Variants in VPS37A observed in about 807,000 individuals in gnomAD.
VPS37A encodes the protein vacuolar protein sorting-associated protein 37A.
A neutral mutation model predicts 49.8 loss-of-function variants in VPS37A; 30 were observed. That is an observed-to-expected ratio of 0.60 (90% CI 0.45 to 0.82). The LOEUF is 0.82. VPS37A is among the 40% of genes least tolerant of loss of function. VPS37A has a pLI of 0.00. For synonymous variants in VPS37A, 195 were observed against 160.6 expected (o/e 1.21, Z -1.62); for missense variants, 593 against 464.4 (o/e 1.28, Z -2.55).
intron 4 of VPS37A, among the ~76,000 whole-genome samples, chr8:17,273,931 C>T (rs186922935): frequency 6.6e-6 from 1 of 152,114 alleles, no homozygotes; most frequent in South Asian, 2.1e-4. Context: ...TAAAACATAA[C>T]TGTAAGTCCC....
At chr8:17,253,679 G>C (rs76345873) in intron 1 of VPS37A, among the ~76,000 whole-genome samples, 1 of 152,066 alleles carries the variant, frequency 6.6e-6, no homozygotes, top group Non-Finnish European at 1.5e-5. Context: ...TTTTCCAGAA[G>C]ACCCCACTGC....
downstream of VPS37A, chr8:17,301,938 A>G (rs185357913): frequency 2.1e-6 from 1 of 481,552 alleles, no homozygotes; most frequent in Admixed American, 4.1e-5. Flanking sequence ...AAATTTGTGG[A>G]ACTGAGCCAC....
At chr8:17,291,990 G>A (rs117254645) in intron 11 of VPS37A, among the ~76,000 whole-genome samples, 10,209 of 152,154 alleles carry the variant, frequency 0.067, 477 homozygotes, top group Non-Finnish European at 0.1. Flanking sequence ...TATTAGTTCC[G>A]TTTGGTCCAG....
downstream of VPS37A, among the ~76,000 whole-genome samples, chr8:17,304,987 C>A (rs188704727): frequency 6.0e-4 from 91 of 152,048 alleles, no homozygotes; most frequent in African/African-American, 2.0e-3. Context: ...ATATTCAGAC[C>A]CAAGCAGATA....
At chr8:17,320,715 G>C in the VPS37A span, among the ~76,000 whole-genome samples, 2 of 152,178 alleles carry the variant, frequency 1.3e-5, no homozygotes, top group Non-Finnish European at 2.9e-5. Flanking sequence ...CTGATGCCTT[G>C]TGACAGTGCC....
downstream of VPS37A, among the ~76,000 whole-genome samples, chr8:17,300,493 T>G (rs1238351515): frequency 6.6e-6 from 1 of 152,206 alleles, no homozygotes; most frequent in Non-Finnish European, 1.5e-5. Flanking sequence ...CAGTGAACCC[T>G]AGTCTCCCTC....
At chr8:17,292,012 A>T (rs1230294790) in intron 11 of VPS37A, among the ~76,000 whole-genome samples, 1 of 152,192 alleles carries the variant, frequency 6.6e-6, no homozygotes, top group African/African-American at 2.4e-5. Context: ...ACTCAGTTCA[A>T]GTCCTGAATA....
In VPS37A at chr8:17,296,035, TG is replaced by T. The variant is rs755880859; in HGVS notation, c.*1051del. On this transcript the variant is annotated 3_prime_UTR_variant, in exon 12 of 12. Coordinates refer to ENST00000324849, the MANE Select transcript of VPS37A (RefSeq NM_152415.3). ...TGCCGTGAACTATGTAGCTCAGGCTTGGTAAGGTGCCATCTAAATTACAAAA... is the reference window on the plus strand; with the variant it reads ...TGCCGTGAACTATGTAGCTCAGGCTTGTAAGGTGCCATCTAAATTACAAAA... The T allele has an allele frequency of 6.6e-6, 1 of 152,208 alleles. No individual in the cohort carries two copies. The highest frequency in any genetic ancestry group is 1.5e-5 in the Non-Finnish European group (1 of 68,038). 9.4% of individuals were successfully genotyped at this position (152,208 alleles called of 1,614,324 possible).
the VPS37A span, chr8:17,311,423 A>G: frequency 6.4e-7 from 1 of 1,553,570 alleles, no homozygotes; most frequent in South Asian, 1.1e-5. Context: ...TGCTGGCAAG[A>G]AAACAGCAGT....
intron 11 of VPS37A, 178 bp downstream of exon 11, chr8:17,286,605 G>C: frequency 2.0e-6 from 1 of 507,348 alleles, no homozygotes; most frequent in Admixed American, 3.8e-5. Context: ...CATATAACTA[G>C]TAGAAATCTT....
At chr8:17,250,609 C>G (rs922081742) in intron 1 of VPS37A, among the ~76,000 whole-genome samples, 1 of 152,170 alleles carries the variant, frequency 6.6e-6, no homozygotes, top group Admixed American at 6.5e-5. Flanking sequence ...TAACCTTTCT[C>G]TACCCCATTC....
downstream of VPS37A, among the ~76,000 whole-genome samples, chr8:17,302,622 C>T (rs1162594208): frequency 6.8e-6 from 1 of 147,158 alleles, no homozygotes; most frequent in African/African-American, 2.5e-5. Flanking sequence ...TAGAATCTTT[C>T]AGCTACAAAG....
chr8:17,308,110 T>C, the VPS37A span, among the ~76,000 whole-genome samples: 1 of 152,104 alleles, frequency 6.6e-6, no homozygotes, highest in South Asian at 2.1e-4. Context: ...GATTTATATT[T>C]GCATAAAGGG....
At chr8:17,289,622 G>C (rs1815951160) in intron 11 of VPS37A, among the ~76,000 whole-genome samples, 1 of 152,164 alleles carries the variant, frequency 6.6e-6, no homozygotes, top group Non-Finnish European at 1.5e-5. Context: ...ATAGTTTGAA[G>C]TCAGGTAGCA....
intron 1 of VPS37A, among the ~76,000 whole-genome samples, chr8:17,256,863 G>C (rs1012952139): frequency 1.3e-5 from 2 of 152,026 alleles, no homozygotes; most frequent in African/African-American, 2.4e-5. Flanking sequence ...TGTTGGTCAG[G>C]CTGGTCTCAA....
Position 17,276,403 on chromosome 8 carries a change from C to T in VPS37A, c.649C>T (p.Gln217Ter). The T allele has an allele frequency of 6.2e-7, 1 of 1,611,022 alleles. No individual in the cohort carries two copies. Among genetic ancestry groups the T allele is most frequent in the Non-Finnish European group, 8.5e-7 (1 of 1,178,776 alleles). ...ATTTAAAACTTTTCTTTAGACAAGC[C>T]AAAATGGTTTTGGGTACAAGATGCC... ...PTVDASIPTS[Q>*]NGFGYKMPDV... The change falls in exon 6 of 12, where the codon CAA becomes TAA. Residue 217 changes from glutamine (Q) to a stop codon, truncating the protein, a stop_gained. Transcript: ENST00000324849. LOFTEE classifies it high-confidence loss of function.
the VPS37A span, among the ~76,000 whole-genome samples, chr8:17,308,906 A>C: frequency 6.6e-6 from 1 of 152,226 alleles, no homozygotes. Flanking sequence ...GATCAAAGAG[A>C]AACTGTTCCA....
At chr8:17,261,730 T>A (rs534582089) in intron 1 of VPS37A, among the ~76,000 whole-genome samples, 19 of 152,324 alleles carry the variant, frequency 1.2e-4, no homozygotes, top group Non-Finnish European at 2.5e-4. Context: ...CCATCTCTAA[T>A]GGGGGAGCTC....
At chr8:17,314,233 G>T in the VPS37A span, among the ~76,000 whole-genome samples, 1 of 152,142 alleles carries the variant, frequency 6.6e-6, no homozygotes, top group Non-Finnish European at 1.5e-5. Context: ...CCCTATTGAG[G>T]AGTCTTATCA....
Sources: gnomAD v4.1 joint callset for allele counts (sites outside exome capture counted in the v4.1 genomes callset) on GRCh38, gnomAD v4.1.1 for gene constraint, MANE v1.5 for transcripts, NCBI Gene and HGNC (gene_info 2026-07-23, HGNC 2026-07-21) for gene names.